The following CAMK2D variants were observed in gnomAD, a reference collection of about 807,000 sequenced individuals.
The protein encoded by CAMK2D is calcium/calmodulin-dependent protein kinase type II subunit delta.
A neutral mutation model predicts 84.0 loss-of-function variants in CAMK2D; 37 were observed. That is an observed-to-expected ratio of 0.44 (90% CI 0.34 to 0.58). CAMK2D has a LOEUF of 0.58. CAMK2D is among the 20% of genes least tolerant of loss of function. The pLI is 0.02. For missense variants in CAMK2D, 448 were observed against 652.5 expected, an observed-to-expected ratio of 0.69 and a Z score of 3.41; for synonymous variants, 202 against 212.5, an observed-to-expected ratio of 0.95 and a Z score of 0.43.
chr4:113,482,096 C>G (rs572615888), intron 16 of CAMK2D, among the ~76,000 whole-genome samples: 1 of 152,330 alleles, frequency 6.6e-6, no homozygotes, highest in East Asian at 1.9e-4. Context: ...CTGGAGAATA[C>G]AGAGCAAGAG....
intron 15 of CAMK2D, among the ~76,000 whole-genome samples, chr4:113,502,546 G>A (rs1360104712): frequency 6.9e-6 from 1 of 144,700 alleles, no homozygotes; most frequent in Non-Finnish European, 1.5e-5. Flanking sequence ...ATAAAGTCAA[G>A]TTGATATTTT....
chr4:113,629,912 T>A (rs1211127584), intron 3 of CAMK2D, among the ~76,000 whole-genome samples: 1 of 147,388 alleles, frequency 6.8e-6, no homozygotes, highest in Non-Finnish European at 1.5e-5. Flanking sequence ...TCACAATGTT[T>A]AAAAAAAAAA....
chr4:113,503,179 C>T, intron 14 of CAMK2D: 1 of 728,076 alleles, frequency 1.4e-6, no homozygotes, highest in Non-Finnish European at 2.5e-6. Context: ...AGGAACCTCC[C>T]TACCCAGAAG....
intron 3 of CAMK2D, among the ~76,000 whole-genome samples, chr4:113,611,075 C>A (rs1356636448): frequency 6.9e-6 from 1 of 145,530 alleles, no homozygotes; most frequent in Non-Finnish European, 1.5e-5. Flanking sequence ...CACACACACA[C>A]ACAATGTATA....
Position 113,653,828 on chromosome 4 carries a change from G to A in CAMK2D, c.220+7885C>T, listed in dbSNP as rs898448695. ...TTAACCTGTACAATGTGATTGTATG[G>A]GTTCCTTACAGAACCTGAGGAACCT... On this transcript the variant is annotated intron_variant, in intron 3 of 20. Coordinates refer to ENST00000511664, the MANE Select transcript of CAMK2D (RefSeq NM_001321571.2). 2.0e-5 allele frequency among the ~76,000 whole-genome samples: 3 copies of A among 151,818 alleles called. No individual in the cohort carries two copies. In the East Asian group the frequency reaches 5.8e-4, roughly 29 times the overall value.
At chr4:113,703,513 C>T (rs556652242) in intron 2 of CAMK2D, among the ~76,000 whole-genome samples, 4 of 152,138 alleles carry the variant, frequency 2.6e-5, no homozygotes, top group Non-Finnish European at 4.4e-5. Flanking sequence ...TGTAGAGATG[C>T]GGTATTGCTA....
At chr4:113,546,094 T>C (rs1436669136) in intron 6 of CAMK2D, among the ~76,000 whole-genome samples, 1 of 152,248 alleles carries the variant, frequency 6.6e-6, no homozygotes. Flanking sequence ...CATTTTTTAA[T>C]ACTTGGCTTT....
At chr4:113,724,701 T>C (rs1247197636) in intron 2 of CAMK2D, among the ~76,000 whole-genome samples, 2 of 151,988 alleles carry the variant, frequency 1.3e-5, no homozygotes, top group Non-Finnish European at 2.9e-5. Context: ...TTTGTCTTTG[T>C]ATTTTGTTCT....
At chr4:113,545,414 T>C (rs918053986) in intron 6 of CAMK2D, among the ~76,000 whole-genome samples, 2 of 152,208 alleles carry the variant, frequency 1.3e-5, no homozygotes, top group Admixed American at 1.3e-4. Flanking sequence ...AATTAGTATA[T>C]GGACACAAAA....
At chr4:113,640,008 T>C (rs1021222113) in intron 3 of CAMK2D, among the ~76,000 whole-genome samples, 16 of 150,034 alleles carry the variant, frequency 1.1e-4, no homozygotes, top group African/African-American at 3.7e-4. Context: ...ACTGAGAAAG[T>C]TGAAGGGAGA....
At chr4:113,705,268 G>A (rs1267990319) in intron 2 of CAMK2D, among the ~76,000 whole-genome samples, 3 of 150,024 alleles carry the variant, frequency 2.0e-5, no homozygotes, top group Non-Finnish European at 3.0e-5. Context: ...CGGAGCTTGC[G>A]GTGAGCTGAG....
At chr4:113,572,353 T>C (rs550287845) in intron 4 of CAMK2D, among the ~76,000 whole-genome samples, 2 of 151,948 alleles carry the variant, frequency 1.3e-5, no homozygotes, top group African/African-American at 4.8e-5. Context: ...TTAAAAAATA[T>C]GGTAAAAAGG....
intron 3 of CAMK2D, among the ~76,000 whole-genome samples, chr4:113,624,338 A>C (rs1055792354): frequency 6.6e-6 from 1 of 152,220 alleles, no homozygotes; most frequent in African/African-American, 2.4e-5. Flanking sequence ...GCAAACTTGA[A>C]TCTTTTCAAT....
chr4:113,638,316 G>C (rs894482264), intron 3 of CAMK2D, among the ~76,000 whole-genome samples: 1 of 152,146 alleles, frequency 6.6e-6, no homozygotes, highest in African/African-American at 2.4e-5. Context: ...GAGACAGAGA[G>C]AGAGAAAATT....
At chr4:113,691,251 G>C (rs749322724) in intron 2 of CAMK2D, among the ~76,000 whole-genome samples, 3 of 152,208 alleles carry the variant, frequency 2.0e-5, no homozygotes, top group Non-Finnish European at 4.4e-5. Context: ...AGTTTGCATG[G>C]AGTGTTAGAT....
chr4:113,457,533 G>A lies in CAMK2D; in HGVS notation c.1337C>T (p.Thr446Ile). The A allele has an allele frequency of 1.2e-6, 2 of 1,613,556 alleles. No homozygotes were observed. Among genetic ancestry groups the A allele is most frequent in the Non-Finnish European group, 1.7e-6 (2 of 1,179,574 alleles). The stretch of plus-strand genomic sequence containing the variant: ...ATGTACATGAGGGTTTAGAATAATA[G>A]TGTGGATTGGTTTATTGCTTTTGGA... ...ALSKSNKPIH[T>I]IILNPHVHLV... The change falls in exon 19 of 21, where the codon ACT becomes ATT. Residue 446 changes from threonine to isoleucine, a missense_variant. By Grantham distance (89) the Thr-to-Ile change is moderately conservative (BLOSUM62 -1). Around this residue, in one of 7 missense-constraint regions of CAMK2D, gnomAD observed 219 missense variants for 272.1 expected, o/e 0.80. Transcript: ENST00000511664.
rs141427365 is a variant in CAMK2D, at chr4:113,722,333, T to C, written c.160+36987A>G. ...CTCTAATTTGATATCTCATATGGAATGGCACAGTACATTAGAAAGTTTACT... is the reference window on the plus strand; with the variant it reads ...CTCTAATTTGATATCTCATATGGAACGGCACAGTACATTAGAAAGTTTACT... On this transcript the variant is annotated intron_variant, in intron 2 of 20. Coordinates refer to ENST00000511664, the MANE Select transcript of CAMK2D (RefSeq NM_001321571.2). 1.2e-3 allele frequency among the ~76,000 whole-genome samples: 185 copies of C among 152,282 alleles called. 1 individual carries two copies. Among genetic ancestry groups the C allele is most frequent in the African/African-American group, 4.3e-3 (178 of 41,566 alleles).
intron 13 of CAMK2D, 71 bp downstream of exon 13, chr4:113,509,567 T>A (rs1312278612): frequency 2.1e-6 from 2 of 973,448 alleles, no homozygotes; most frequent in Admixed American, 1.9e-5. Flanking sequence ...ACTTAGGAAT[T>A]ATATATAACA....
chr4:113,577,166 TA>T (rs2098787116), intron 4 of CAMK2D, among the ~76,000 whole-genome samples: 1 of 152,200 alleles, frequency 6.6e-6, no homozygotes, highest in Admixed American at 6.5e-5. Context: ...TGGTTTTCAT[TA>T]GATAGCATCT....
Sources: allele counts gnomAD v4.1 joint callset (sites outside exome capture counted in the v4.1 genomes callset), GRCh38; gene constraint gnomAD v4.1.1; regional missense constraint gnomAD v4.1.1; transcripts MANE v1.5; gene names NCBI Gene and HGNC (gene_info 2026-07-23, HGNC 2026-07-21).